The following AARS2 variants were observed in gnomAD, a reference collection of about 807,000 sequenced individuals.
AARS2 encodes the protein alanine--tRNA ligase, mitochondrial.
In AARS2, 78 loss-of-function variants were observed where a neutral mutation model predicts 119.7. That is an observed-to-expected ratio of 0.65 (90% CI 0.54 to 0.79). The LOEUF (loss-of-function observed/expected upper bound fraction) is 0.79. Among genes scored for constraint, AARS2 ranks in the 30% least tolerant of loss-of-function variants. The pLI is 0.00. For missense variants in AARS2, 1,157 were observed against 1,291.3 expected (o/e 0.90, Z 1.59); for synonymous variants, 502 against 526.3 (o/e 0.95, Z 0.63).
chr6:44,303,444 T>C (rs1430418995), intron 14 of AARS2, 21 bp from the exon 15 acceptor site: 3 of 1,613,678 alleles, frequency 1.9e-6, no homozygotes, highest in South Asian at 2.2e-5. Context: ...GGGGAGGAAA[T>C]GGAAAGACCA....
intron 21 of AARS2, 117 bp from the exon 22 acceptor site, chr6:44,300,828 C>CTG (rs1785291731): frequency 7.6e-7 from 1 of 1,313,110 alleles, no homozygotes; most frequent in African/African-American, 1.5e-5. Context: ...CAGCTGGGCA[C>CTG]ATGGTGGGGC....
In AARS2 at chr6:44,305,900, C is replaced by G; in HGVS notation, c.1301-114G>C. On this transcript the variant is annotated intron_variant, in intron 9 of 21. Transcript: ENST00000244571. The surrounding 1 kb of genome is among the most constrained non-coding windows in gnomAD (Gnocchi z 4.6). The stretch of plus-strand genomic sequence containing the variant: ...CGCAGAAGCCACCAGATGCCAAACA[C>G]AAATACCCGCTCCATACTGGGTAGC... 2.3e-6 allele frequency: 3 copies of G among 1,281,206 alleles called. No individual in the cohort carries two copies. The highest frequency in any genetic ancestry group is 2.1e-4 in the Middle Eastern group (1 of 4,692). The allele number at this position is 1,281,206 out of a possible 1,614,324, so 79.4% of individuals were successfully genotyped here.
In AARS2 at chr6:44,304,768, C is replaced by T. The variant is rs762140857; in HGVS notation, c.1629G>A (p.Gly543=). ...AQVLQLYTED[G]TAVASVGKGQ... ...CTTTCCCCACGGAGGCCACTGCTGT[C>T]CCGTCCTCTGTATACAGTTGCAACA... Residue 543 remains glycine (G), a synonymous_variant, in exon 12 of 22, where the codon GGG becomes GGA. Transcript: ENST00000244571. 2.5e-5 allele frequency: 40 copies of T among 1,614,086 alleles called. 2 individuals are homozygous for T. The South Asian group carries it at 4.2e-4, about 17-fold the overall frequency.
At chr6:44,302,732 G>T in intron 17 of AARS2, 70 bp downstream of exon 17, 2 of 1,518,426 alleles carry the variant, frequency 1.3e-6, no homozygotes, top group South Asian at 1.2e-5. Context: ...CCCTGAGCCT[G>T]AGCATGTCAC....
rs765046433 is a variant in AARS2 at position 44,307,039 on chromosome 6, G to A, written c.1041-8C>T. On this transcript the variant is annotated splice_region_variant and splice_polypyrimidine_tract_variant and intron_variant, in intron 6 of 21. Transcript: ENST00000244571. The surrounding 1 kb of genome is among the most constrained non-coding windows in gnomAD (Gnocchi z 4.4). Reference sequence around the variant, plus strand: ...ATCCGACGAAGAACCAGCCTAAAGGGGTTCAGAGCCCAGACATGAATCCCC... The same window carrying A: ...ATCCGACGAAGAACCAGCCTAAAGGAGTTCAGAGCCCAGACATGAATCCCC... The A allele has an allele frequency of 4.3e-6, 7 of 1,613,886 alleles. No homozygotes were observed. In the East Asian group the frequency reaches 1.3e-4, roughly 31 times the overall value.
chr6:44,300,968 G>A, intron 21 of AARS2, 188 bp downstream of exon 21: 1 of 716,146 alleles, frequency 1.4e-6, no homozygotes, highest in Non-Finnish European at 2.3e-6. Context: ...GAATCTCTTG[G>A]TGCCTTCTGG....
In AARS2 at chr6:44,307,017, C is replaced by T. The variant is rs773409556; in HGVS notation, c.1055G>A (p.Arg352Gln). The T allele has an allele frequency of 3.0e-5, 48 of 1,613,934 alleles. No individual in the cohort carries two copies. Among genetic ancestry groups the T allele is most frequent in the South Asian group, 8.8e-5 (8 of 91,086 alleles). ...GAAACGCACAGCTCGACGCAGGATC[C>T]GACGAAGAACCAGCCTAAAGGGGTT... ...GMSGPPLVLR[R>Q]ILRRAVRFSM... The change falls in exon 7 of 22, where the codon CGG (arginine) becomes CAG (glutamine). Residue 352 changes from arginine to glutamine, a missense_variant. Physicochemically the swap from Arg to Gln is conservative, Grantham distance 43 (BLOSUM62 1). Coordinates refer to ENST00000244571, the MANE Select transcript of AARS2 (RefSeq NM_020745.4). The surrounding 1 kb of genome is among the most constrained non-coding windows in gnomAD (Gnocchi z 4.4).
In AARS2 at chr6:44,300,025, G is replaced by T; in HGVS notation, c.*522C>A. The T allele has an allele frequency of 5.7e-6, 1 of 176,654 alleles. No homozygotes were observed. The highest frequency in any genetic ancestry group is 1.3e-4 in the South Asian group (1 of 7,606). The allele number at this position is 176,654 out of a possible 1,614,324, so 10.9% of individuals were successfully genotyped here. ...GACAGAGTCTCGCTCTGTCACCCAGGCTGGAGTGCAGTGGTGCGATCTTGG... is the reference window on the plus strand; with the variant it reads ...GACAGAGTCTCGCTCTGTCACCCAGTCTGGAGTGCAGTGGTGCGATCTTGG... On this transcript the variant is annotated 3_prime_UTR_variant, in exon 22 of 22. Transcript: ENST00000244571.
In AARS2 at chr6:44,302,912, T is replaced by C. The variant is rs2153353988; in HGVS notation, c.2256-2A>G. ...ACAGCCCCAGTACGTAACAGGTGCC[T>C]GTGGGAGGAAGGAGTGAACAGAAAG... On this transcript the variant is annotated splice_acceptor_variant, in intron 16 of 21. Transcript: ENST00000244571. LOFTEE classifies it high-confidence loss of function. 1 of 1,613,706 alleles carries C rather than the reference T, an allele frequency of 6.2e-7. No individual in the cohort carries two copies. Among genetic ancestry groups the C allele is most frequent in the Non-Finnish European group, 8.5e-7 (1 of 1,179,810 alleles).
At chr6:44,301,110 G>A in intron 21 of AARS2, 46 bp downstream of exon 21, 2 of 1,529,106 alleles carry the variant, frequency 1.3e-6, no homozygotes, top group Non-Finnish European at 1.8e-6. Context: ...GCTGGACCAG[G>A]ATGGGTATTA....
chr6:44,306,536 G>A lies in AARS2; in HGVS notation c.1150-4C>T, dbSNP rs141516924. 1.2e-6 allele frequency: 2 copies of A among 1,614,098 alleles called. No homozygotes were observed. The highest frequency in any genetic ancestry group is 8.5e-7 in the Non-Finnish European group (1 of 1,180,012). The stretch of plus-strand genomic sequence containing the variant: ...GCAGTTCTGGATAAGCATCTCCCTG[G>A]GGGAGGTGGAGAGGGCTGAGGAGGT... On this transcript the variant is annotated splice_polypyrimidine_tract_variant and splice_region_variant and intron_variant, in intron 7 of 21. Coordinates refer to ENST00000244571, the MANE Select transcript of AARS2 (RefSeq NM_020745.4).
In AARS2 at chr6:44,300,500, C is replaced by T. The variant is rs901342700; in HGVS notation, c.*47G>A. 1 of 1,612,966 alleles carries T rather than the reference C, an allele frequency of 6.2e-7. No homozygotes were observed. The highest frequency in any genetic ancestry group is 8.5e-7 in the Non-Finnish European group (1 of 1,179,552). On this transcript the variant is annotated 3_prime_UTR_variant, in exon 22 of 22. Transcript: ENST00000244571. ...GAAGGTTCTGCTGGCTCCTTCAGGG[C>T]TCCTGGCATTGCCTTTAGTCCATGT...
chr6:44,304,125 T>C, intron 14 of AARS2, 56 bp downstream of exon 14: 3 of 1,609,882 alleles, frequency 1.9e-6, no homozygotes, highest in Non-Finnish European at 2.5e-6. Flanking sequence ...CAGCAGGCTG[T>C]CTCTCTTTTA....
In AARS2 at chr6:44,300,747, T is replaced by A. The variant is rs934103959; in HGVS notation, c.2794-36A>T. On this transcript the variant is annotated intron_variant, in intron 21 of 21. Transcript: ENST00000244571. ...AATCAGAAGAGGAAGCGATGCAGAG[T>A]GGCCCTCCCTGCCAGCATCCACTCA... 3 of 1,604,298 alleles carry A rather than the reference T, an allele frequency of 1.9e-6. No individual in the cohort carries two copies. In the African/African-American group the frequency reaches 4.0e-5, roughly 21 times the overall value.
At chr6:44,302,639 T>G (rs942802692) in intron 17 of AARS2, 126 bp from the exon 18 acceptor site, 1 of 1,532,354 alleles carries the variant, frequency 6.5e-7, no homozygotes, top group Non-Finnish European at 8.9e-7. Context: ...CAGCACCAAA[T>G]AATCAAAACA....
chr6:44,312,583 C>T (rs1045008103), intron 1 of AARS2, among the ~76,000 whole-genome samples: 2 of 152,132 alleles, frequency 1.3e-5, no homozygotes, highest in African/African-American at 4.8e-5. Context: ...TCAGCTTCTT[C>T]AACCACACCC....
intron 17 of AARS2, 125 bp downstream of exon 17, chr6:44,302,677 C>T (rs1785458085): frequency 6.2e-6 from 9 of 1,446,348 alleles, no homozygotes; most frequent in South Asian, 1.2e-5. Flanking sequence ...GCTGATATGG[C>T]CACATTGGTG....
At position 44,301,324 on chromosome 6, in the gene AARS2, T is replaced by G. The variant is rs532983369; in HGVS notation, c.2682+57A>C. ...GCTTCCCAGACCCCTAGCTGTCTCCTGGTCAGGACTTTGCCCTCCCCAGAC... is the reference window on the plus strand; with the variant it reads ...GCTTCCCAGACCCCTAGCTGTCTCCGGGTCAGGACTTTGCCCTCCCCAGAC... On this transcript the variant is annotated intron_variant, in intron 20 of 21. Coordinates refer to ENST00000244571, the MANE Select transcript of AARS2 (RefSeq NM_020745.4). 3.1e-6 allele frequency: 5 copies of G among 1,613,162 alleles called. No individual in the cohort carries two copies. In the South Asian group the frequency reaches 5.5e-5, roughly 18 times the overall value.
Position 44,300,415 on chromosome 6 carries a change from G to T in AARS2, c.*132C>A. On this transcript the variant is annotated 3_prime_UTR_variant, in exon 22 of 22. Transcript: ENST00000244571. Reference sequence around the variant, plus strand: ...TTGTGTCACGTAGGCCCTGGCCCAGGTGATCTTCTTTGGCTCAGCTGCTTG... The same window carrying T: ...TTGTGTCACGTAGGCCCTGGCCCAGTTGATCTTCTTTGGCTCAGCTGCTTG... 1 of 1,337,172 alleles carries T rather than the reference G, an allele frequency of 7.5e-7. No individual in the cohort carries two copies. The allele number at this position is 1,337,172 out of a possible 1,614,324, so 82.8% of individuals were successfully genotyped here.
Sources: gnomAD v4.1 joint callset for allele counts (sites outside exome capture counted in the v4.1 genomes callset) on GRCh38, gnomAD v4.1.1 for gene constraint, Gnocchi (gnomAD v3.1) non-coding constraint, MANE v1.5 for transcripts, NCBI Gene and HGNC (gene_info 2026-07-23, HGNC 2026-07-21) for gene names.